COX18: variants seen among roughly 807,000 people sequenced by gnomAD.
COX18 encodes the protein cytochrome c oxidase assembly protein COX18, mitochondrial.
A neutral mutation model predicts 38.0 loss-of-function variants in COX18; 45 were observed. The observed-to-expected ratio is 1.18, with a 90% CI of 0.93 to 1.52. The LOEUF is 1.52. Among genes scored for constraint, COX18 ranks in the 40% most tolerant of loss-of-function variants. The pLI is 0.00. For synonymous variants in COX18, 177 were observed against 169.8 expected (o/e 1.04, Z -0.33); for missense variants, 462 against 423.8 (o/e 1.09, Z -0.79).
rs1399927577 is a variant in COX18, at chr4:73,054,145, C to T, written c.*3969G>A. 1.3e-5 allele frequency: 2 copies of T among 152,232 alleles called. No individual in the cohort carries two copies. Among genetic ancestry groups the T allele is most frequent in the African/African-American group, 4.8e-5 (2 of 41,452 alleles). The allele number at this position is 152,232 out of a possible 1,614,324, so 9.4% of individuals were successfully genotyped here. A position where few individuals can be genotyped will look rare whatever the true frequency, so the allele number is the denominator to read the frequency against. On this transcript the variant is annotated 3_prime_UTR_variant, in exon 6 of 6. Coordinates refer to ENST00000507544, the MANE Select transcript of COX18 (RefSeq NM_001297732.2). The stretch of plus-strand genomic sequence containing the variant: ...CCTCATCTAAGGAGACAAAAACCTT[C>T]CTGAACTCTGCAGGGCCCAGCGCAG...
At chr4:73,061,944 G>T in intron 4 of COX18, 24 bp from the exon 5 acceptor site, 1 of 1,196,542 alleles carries the variant, frequency 8.4e-7, no homozygotes, top group Non-Finnish European at 1.2e-6. Flanking sequence ...ACATATACAT[G>T]CATAATGATT....
chr4:73,062,215 T>C lies in COX18; in HGVS notation c.724-295A>G, dbSNP rs917227830. Among the ~76,000 whole-genome samples the C allele has an allele frequency of 3.3e-5, 5 of 151,970 alleles. No individual in the cohort carries two copies. The South Asian group carries it at 6.2e-4, about 19-fold the overall frequency. On this transcript the variant is annotated intron_variant, in intron 4 of 5. Transcript: ENST00000507544. ...GGGATAATAGGCATGCACCAACCACTGCACTCAGCTTGATCATCCATCTTT... is the reference window on the plus strand; with the variant it reads ...GGGATAATAGGCATGCACCAACCACCGCACTCAGCTTGATCATCCATCTTT...
At chr4:73,063,056 G>A (rs912106628) in intron 4 of COX18, among the ~76,000 whole-genome samples, 6 of 152,064 alleles carry the variant, frequency 3.9e-5, no homozygotes, top group African/African-American at 1.4e-4. Context: ...TGTAATTCCA[G>A]CACTTTGGGA....
intron 5 of COX18, among the ~76,000 whole-genome samples, chr4:73,059,412 G>A (rs1007671719): frequency 3.9e-5 from 6 of 152,208 alleles, no homozygotes; most frequent in Admixed American, 3.9e-4. Context: ...GAATAAATGA[G>A]ATAATTCATG....
chr4:73,052,909 A>G lies in COX18; in HGVS notation c.*5205T>C, dbSNP rs1719778804. On this transcript the variant is annotated 3_prime_UTR_variant, in exon 6 of 6. Transcript: ENST00000507544. Reference sequence around the variant, plus strand: ...CTACTGCTTCTGGGACTTAAATCTGACATATAGGCAATTTTAAAGGTGACT... The same window carrying G: ...CTACTGCTTCTGGGACTTAAATCTGGCATATAGGCAATTTTAAAGGTGACT... 6.6e-6 allele frequency: 1 copy of G among 151,706 alleles called. No individual in the cohort carries two copies. Among genetic ancestry groups the G allele is most frequent in the Non-Finnish European group, 1.5e-5 (1 of 67,954 alleles). 9.4% of individuals were successfully genotyped at this position (151,706 alleles called of 1,614,324 possible).
intron 2 of COX18, among the ~76,000 whole-genome samples, chr4:73,067,278 G>A (rs549227015): frequency 9.8e-5 from 15 of 152,292 alleles, no homozygotes; most frequent in Non-Finnish European, 1.8e-4. Context: ...AATAACCTGT[G>A]TCATTTGTTG....
chr4:73,057,034 T>G lies in COX18; in HGVS notation c.*1080A>C, dbSNP rs1331309383. On this transcript the variant is annotated 3_prime_UTR_variant, in exon 6 of 6. Transcript: ENST00000507544. ...TACCCAGTAGGCTGAGGTAGGAGAATTGCTTGAACACGGGAGGCAGAGGTT... is the reference window on the plus strand; with the variant it reads ...TACCCAGTAGGCTGAGGTAGGAGAAGTGCTTGAACACGGGAGGCAGAGGTT... 6.6e-6 allele frequency: 1 copy of G among 152,016 alleles called. No homozygotes were observed. Among genetic ancestry groups the G allele is most frequent in the Non-Finnish European group, 1.5e-5 (1 of 68,286 alleles). 9.4% of individuals were successfully genotyped at this position (152,016 alleles called of 1,614,324 possible).
chr4:73,064,255 AAAAAAAAAG>A (rs1720319906), intron 4 of COX18, among the ~76,000 whole-genome samples: 1 of 46,572 alleles, frequency 2.1e-5, no homozygotes, highest in Admixed American at 2.8e-4. Flanking sequence ...CTCCATCTCA[AAAAAAAAAG>A]AAAAAAAAAG....
rs888208112 is a variant in COX18 at position 73,052,995 on chromosome 4, A to G, written c.*5119T>C. ...TAGAAGAATAAAATATGAAGGTATA[A>G]GTGTGATTTAAGAATAGGTGCAAAA... On this transcript the variant is annotated 3_prime_UTR_variant, in exon 6 of 6. Transcript: ENST00000507544. 1 of 152,080 alleles carries G rather than the reference A, an allele frequency of 6.6e-6. No homozygotes were observed. The highest frequency in any genetic ancestry group is 2.4e-5 in the African/African-American group (1 of 41,420). 9.4% of individuals were successfully genotyped at this position (152,080 alleles called of 1,614,324 possible). A position where few individuals can be genotyped will look rare whatever the true frequency, so the allele number is the denominator to read the frequency against.
rs190266963 is a variant in COX18, at chr4:73,068,238, T to C, written c.334-109A>G. On this transcript the variant is annotated intron_variant, in intron 1 of 5. Coordinates refer to ENST00000507544, the MANE Select transcript of COX18 (RefSeq NM_001297732.2). Reference sequence around the variant, plus strand: ...GTCATTTAAAAATGTAGTTTACTGATCATATCAAGAAATCTTAATTCTAAG... The same window carrying C: ...GTCATTTAAAAATGTAGTTTACTGACCATATCAAGAAATCTTAATTCTAAG... The C allele has an allele frequency of 4.6e-5, 31 of 672,542 alleles. No homozygotes were observed. The African/African-American group carries it at 5.6e-4, about 12-fold the overall frequency. 41.7% of individuals were successfully genotyped at this position (672,542 alleles called of 1,614,324 possible). A position where few individuals can be genotyped will look rare whatever the true frequency, so the allele number is the denominator to read the frequency against.
At chr4:73,060,662 C>G (rs1310241057) in intron 5 of COX18, among the ~76,000 whole-genome samples, 4 of 152,024 alleles carry the variant, frequency 2.6e-5, no homozygotes, top group Non-Finnish European at 5.9e-5. Context: ...GGGTGGATCA[C>G]CTGGGTCAGG....
rs772442927 is a variant in COX18, at chr4:73,069,607, C to T, written c.43G>A (p.Ala15Thr). The change falls in exon 1 of 6, where the codon GCC becomes ACC. Residue 15 changes from alanine to threonine, a missense_variant. Coordinates refer to ENST00000507544, the MANE Select transcript of COX18 (RefSeq NM_001297732.2). ...AGGTCCCTAGCCCAAAGCTGCAGGGCAGGGAGCGGCCGCAGCCACCGACCG... is the reference window on the plus strand; with the variant it reads ...AGGTCCCTAGCCCAAAGCTGCAGGGTAGGGAGCGGCCGCAGCCACCGACCG... ...LGGRWLRPLP[A>T]LQLWARDLPL... The T allele has an allele frequency of 1.0e-5, 16 of 1,554,726 alleles. No homozygotes were observed. Among genetic ancestry groups the T allele is most frequent in the Non-Finnish European group, 1.4e-5 (16 of 1,153,312 alleles).
At chr4:73,059,944 C>T in intron 5 of COX18, among the ~76,000 whole-genome samples, 1 of 151,826 alleles carries the variant, frequency 6.6e-6, no homozygotes. Context: ...GCCTCTTCTG[C>T]AGTGAGGGGT....
At chr4:73,065,182 T>G (rs1720376775) in intron 3 of COX18, 68 bp downstream of exon 3, 28 of 1,180,568 alleles carry the variant, frequency 2.4e-5, no homozygotes, top group East Asian at 1.0e-4. Context: ...CTTTTTTTTT[T>G]TTTTTTTTTT....
intron 2 of COX18, among the ~76,000 whole-genome samples, chr4:73,065,624 C>T (rs1720413462): frequency 6.6e-6 from 1 of 152,072 alleles, no homozygotes; most frequent in South Asian, 2.1e-4. Context: ...ACACAAGTTA[C>T]ATAACAATCT....
intron 5 of COX18, among the ~76,000 whole-genome samples, chr4:73,060,106 G>C (rs1720076268): frequency 6.6e-6 from 1 of 152,152 alleles, no homozygotes; most frequent in Non-Finnish European, 1.5e-5. Flanking sequence ...TGAAATCACA[G>C]GCTGTGGATA....
chr4:73,061,559 T>A (rs943975317), intron 5 of COX18, among the ~76,000 whole-genome samples: 5 of 151,880 alleles, frequency 3.3e-5, no homozygotes, highest in African/African-American at 1.2e-4. Context: ...ATACAAAAAA[T>A]TAGCCAGGCG....
At chr4:73,063,312 AAAAC>A (rs142907172) in intron 4 of COX18, among the ~76,000 whole-genome samples, 151 of 152,014 alleles carry the variant, frequency 9.9e-4, no homozygotes, top group African/African-American at 2.6e-3. Flanking sequence ...TCTCAAGAAA[AAAAC>A]AAACAAACAA....
chr4:73,054,637 T>C lies in COX18; in HGVS notation c.*3477A>G, dbSNP rs1239387573. ...GAGCAACAGGAAACTAAGCACAATA[T>C]ACATTTGTAAAGATACAAATATACA... On this transcript the variant is annotated 3_prime_UTR_variant, in exon 6 of 6. Transcript: ENST00000507544. The C allele has an allele frequency of 5.3e-5, 8 of 151,896 alleles. No individual in the cohort carries two copies. Among genetic ancestry groups the C allele is most frequent in the Non-Finnish European group, 1.2e-4 (8 of 68,038 alleles). 9.4% of individuals were successfully genotyped at this position (151,896 alleles called of 1,614,324 possible).
Sources: allele counts gnomAD v4.1 joint callset (sites outside exome capture counted in the v4.1 genomes callset), GRCh38; gene constraint gnomAD v4.1.1; transcripts MANE v1.5; gene names NCBI Gene and HGNC (gene_info 2026-07-23, HGNC 2026-07-21).